HECW2: variants seen among roughly 807,000 people sequenced by gnomAD.
HECW2 encodes E3 ubiquitin-protein ligase HECW2.
In HECW2, 61 loss-of-function variants were observed where a neutral mutation model predicts 175.2. The observed-to-expected ratio is 0.35, with a 90% confidence interval of 0.28 to 0.43. HECW2 has a LOEUF of 0.43. HECW2 is among the 20% of genes least tolerant of loss of function. HECW2 has a pLI of 1.00. For synonymous variants in HECW2, 671 were observed against 731.0 expected (o/e 0.92, Z 1.32); for missense variants, 1,524 against 2,000.5 (o/e 0.76, Z 4.54).
intron 1 of HECW2, among the ~76,000 whole-genome samples, chr2:196,554,076 C>T (rs1471860226): frequency 1.3e-5 from 2 of 152,154 alleles, no homozygotes; most frequent in Non-Finnish European, 2.9e-5. Flanking sequence ...CGGTGGCTCA[C>T]GCCTGTAATC....
intron 1 of HECW2, among the ~76,000 whole-genome samples, chr2:196,491,905 C>CA (rs1184320511): frequency 6.6e-6 from 1 of 152,006 alleles, no homozygotes; most frequent in East Asian, 1.9e-4. Context: ...AATTACAAAG[C>CA]ACTATAATTC....
intron 2 of HECW2, among the ~76,000 whole-genome samples, chr2:196,345,440 G>C (rs1328704386): frequency 6.6e-6 from 1 of 152,200 alleles, no homozygotes; most frequent in Non-Finnish European, 1.5e-5. Context: ...GTAAGTGGAA[G>C]TCTACTAGGT....
intron 1 of HECW2, among the ~76,000 whole-genome samples, chr2:196,509,595 T>C (rs1342845845): frequency 6.6e-6 from 1 of 152,218 alleles, no homozygotes; most frequent in East Asian, 1.9e-4. Flanking sequence ...ATCCCAAGGA[T>C]TTTAAACATT....
chr2:196,320,912 G>A, intron 7 of HECW2, among the ~76,000 whole-genome samples: 1 of 152,216 alleles, frequency 6.6e-6, no homozygotes, highest in East Asian at 1.9e-4. Flanking sequence ...CACCCAACAT[G>A]GCACGTAGGG....
At chr2:196,278,014 A>C (rs1233992468) in intron 15 of HECW2, among the ~76,000 whole-genome samples, 2 of 145,976 alleles carry the variant, frequency 1.4e-5, no homozygotes, top group Non-Finnish European at 3.0e-5. Context: ...GCATTAGGAG[A>C]TATACCTAAT....
chr2:196,402,131 G>A (rs1194908802), intron 2 of HECW2, among the ~76,000 whole-genome samples: 3 of 150,024 alleles, frequency 2.0e-5, no homozygotes, highest in African/African-American at 7.4e-5. Context: ...AATCTGGGAG[G>A]CGGAGCTTGC....
chr2:196,395,795 T>A (rs956788393), intron 2 of HECW2, among the ~76,000 whole-genome samples: 1 of 151,976 alleles, frequency 6.6e-6, no homozygotes, highest in South Asian at 2.1e-4. Context: ...TGTGAAATGG[T>A]GCAGCTGCTA....
chr2:196,560,503 C>G (rs994528617), intron 1 of HECW2, among the ~76,000 whole-genome samples: 1 of 152,110 alleles, frequency 6.6e-6, no homozygotes, highest in Non-Finnish European at 1.5e-5. Context: ...GTCCCTGTCC[C>G]AGGGAACTGA....
intron 1 of HECW2, among the ~76,000 whole-genome samples, chr2:196,565,484 A>G (rs1690154916): frequency 6.6e-6 from 1 of 152,222 alleles, no homozygotes; most frequent in East Asian, 1.9e-4. Flanking sequence ...TGGGGAATAG[A>G]TGAACAAATA....
chr2:196,572,907 T>C (rs1690435582), intron 1 of HECW2, among the ~76,000 whole-genome samples: 1 of 152,166 alleles, frequency 6.6e-6, no homozygotes, highest in South Asian at 2.1e-4. Context: ...GAGAAGTAAA[T>C]ATCTGTTATT....
chr2:196,438,612 G>A (rs1369172037), intron 1 of HECW2, among the ~76,000 whole-genome samples: 2 of 152,172 alleles, frequency 1.3e-5, no homozygotes, highest in South Asian at 2.1e-4. Context: ...AGGTAGCTCA[G>A]AAGAAGATGT....
At chr2:196,313,007 C>T (rs1691556097) in intron 10 of HECW2, among the ~76,000 whole-genome samples, 1 of 152,140 alleles carries the variant, frequency 6.6e-6, no homozygotes, top group Non-Finnish European at 1.5e-5. Context: ...GAACCCCTCA[C>T]ATAAGTAATA....
chr2:196,444,574 T>C lies in HECW2; in HGVS notation c.-35-11116A>G, dbSNP rs114236141. 3.3e-3 allele frequency among the ~76,000 whole-genome samples: 509 copies of C among 152,304 alleles called. 4 individuals carry two copies. The highest frequency in any genetic ancestry group is 0.012 in the African/African-American group (492 of 41,564). On this transcript the variant is annotated intron_variant, in intron 1 of 28. Coordinates refer to ENST00000644978, the MANE Select transcript of HECW2 (RefSeq NM_001348768.2). ...CTTCTTAAAAGACCTCTCTGGTCCT[T>C]ACATTGTCCCCAGCCAATCTATCTA...
intron 13 of HECW2, among the ~76,000 whole-genome samples, chr2:196,305,990 T>G (rs1398571486): frequency 6.6e-6 from 1 of 152,168 alleles, no homozygotes. Flanking sequence ...CCGATGTTTG[T>G]GTCCCCCAGA....
At chr2:196,517,273 C>T (rs181558022) in intron 1 of HECW2, among the ~76,000 whole-genome samples, 2 of 152,312 alleles carry the variant, frequency 1.3e-5, no homozygotes, top group East Asian at 3.8e-4. Flanking sequence ...ATGTTAATTC[C>T]TTATGAGGGT....
chr2:196,584,285 G>T (rs181181381), intron 1 of HECW2, among the ~76,000 whole-genome samples: 1 of 152,106 alleles, frequency 6.6e-6, no homozygotes, highest in Non-Finnish European at 1.5e-5. Context: ...ACAGGAAGAA[G>T]ACCTGTCTAA....
chr2:196,532,734 A>G (rs1168897335), intron 1 of HECW2, among the ~76,000 whole-genome samples: 3 of 152,190 alleles, frequency 2.0e-5, no homozygotes, highest in Admixed American at 6.5e-5. Context: ...ACCTCTGGAG[A>G]GATCTTATCA....
At chr2:196,486,374 G>A (rs1687005200) in intron 1 of HECW2, among the ~76,000 whole-genome samples, 1 of 152,214 alleles carries the variant, frequency 6.6e-6, no homozygotes, top group Non-Finnish European at 1.5e-5. Flanking sequence ...CAGTTACACA[G>A]AGCTTCTCAT....
intron 28 of HECW2, among the ~76,000 whole-genome samples, chr2:196,211,311 G>A (rs1426731161): frequency 6.6e-6 from 1 of 152,180 alleles, no homozygotes; most frequent in Non-Finnish European, 1.5e-5. Context: ...GAGAGCAATT[G>A]CCACAAAGTG....
Sources: allele counts gnomAD v4.1 joint callset (sites outside exome capture counted in the v4.1 genomes callset), GRCh38; gene constraint gnomAD v4.1.1; transcripts MANE v1.5; gene names NCBI Gene and HGNC (gene_info 2026-07-23, HGNC 2026-07-21).